The following MSI2 variants were observed in gnomAD, a reference collection of about 807,000 sequenced individuals.
The protein encoded by MSI2 is musashi RNA binding protein 2.
Under a neutral mutation model 45.6 loss-of-function variants are expected in MSI2, and 17 were observed. The ratio of observed to expected loss-of-function variants is 0.37; its 90% CI spans 0.26 to 0.56. The LOEUF (loss-of-function observed/expected upper bound fraction) is 0.56, where lower values mean the gene tolerates loss of function less well. Among genes scored for constraint, MSI2 ranks in the 20% least tolerant of loss-of-function variants. The probability of loss-of-function intolerance (pLI) is 0.77; values close to 1 mark genes in which losing one functional copy is unlikely to be tolerated. For synonymous variants in MSI2, 156 were observed against 158.2 expected (o/e 0.99, Z 0.11); for missense variants, 293 against 444.2 (o/e 0.66, Z 3.06).
chr17:57,669,892 C>A (rs1444067866), intron 11 of MSI2, among the ~76,000 whole-genome samples: 1 of 152,166 alleles, frequency 6.6e-6, no homozygotes, highest in Non-Finnish European at 1.5e-5. Flanking sequence ...GGGGCCACTG[C>A]GGTCTTCTGC....
intron 7 of MSI2, among the ~76,000 whole-genome samples, chr17:57,550,631 A>T (rs1314156046): frequency 6.6e-6 from 1 of 152,144 alleles, no homozygotes; most frequent in Non-Finnish European, 1.5e-5. Context: ...AAAAATCCAA[A>T]CGAGCTCTCC....
intron 11 of MSI2, among the ~76,000 whole-genome samples, chr17:57,659,284 C>T (rs535227447): frequency 5.9e-5 from 9 of 151,736 alleles, no homozygotes; most frequent in Non-Finnish European, 8.8e-5. Flanking sequence ...TTGGTAGAGA[C>T]AGGGTCTCAC....
At chr17:57,560,722 A>G (rs2087553332) in intron 7 of MSI2, among the ~76,000 whole-genome samples, 1 of 152,232 alleles carries the variant, frequency 6.6e-6, no homozygotes, top group African/African-American at 2.4e-5. Flanking sequence ...GCTATTATTA[A>G]CAATTACTGC....
At chr17:57,387,319 G>C (rs2083704012) in intron 5 of MSI2, among the ~76,000 whole-genome samples, 1 of 152,182 alleles carries the variant, frequency 6.6e-6, no homozygotes, top group Non-Finnish European at 1.5e-5. Flanking sequence ...TGCTGCGACT[G>C]TTGTTTCCTT....
At chr17:57,674,021 G>A (rs531994974) in intron 11 of MSI2, among the ~76,000 whole-genome samples, 1 of 151,374 alleles carries the variant, frequency 6.6e-6, no homozygotes, top group South Asian at 2.1e-4. Context: ...TGAGTGTGTG[G>A]GTGTCCTGTA....
intron 5 of MSI2, among the ~76,000 whole-genome samples, chr17:57,318,479 G>A (rs1031859503): frequency 6.6e-6 from 1 of 152,024 alleles, no homozygotes; most frequent in Non-Finnish European, 1.5e-5. Context: ...CATTTTCTTC[G>A]CCTGTTTAGA....
the MSI2 span, among the ~76,000 whole-genome samples, chr17:57,696,159 C>G: frequency 2.0e-5 from 3 of 152,108 alleles, no homozygotes; most frequent in Admixed American, 6.5e-5. Context: ...AGGTGAAGAC[C>G]CACTGCTGAG....
At chr17:57,639,009 T>C (rs1910046975) in intron 10 of MSI2, among the ~76,000 whole-genome samples, 1 of 152,190 alleles carries the variant, frequency 6.6e-6, no homozygotes, top group African/African-American at 2.4e-5. Context: ...TCCTGGTTCG[T>C]AGACTGCCAT....
intron 6 of MSI2, among the ~76,000 whole-genome samples, chr17:57,470,425 G>A (rs1275819941): frequency 6.6e-6 from 1 of 152,098 alleles, no homozygotes; most frequent in Non-Finnish European, 1.5e-5. Context: ...CTACAGGCAT[G>A]CACCACCATG....
chr17:57,450,596 G>T, intron 6 of MSI2, among the ~76,000 whole-genome samples: 1 of 148,206 alleles, frequency 6.7e-6, no homozygotes, highest in East Asian at 2.0e-4. Flanking sequence ...GCTTGAACTC[G>T]GGAGGTAGAG....
At chr17:57,565,631 T>A (rs2087712214) in intron 7 of MSI2, among the ~76,000 whole-genome samples, 1 of 151,696 alleles carries the variant, frequency 6.6e-6, no homozygotes, top group African/African-American at 2.4e-5. Context: ...GGGCACTCTC[T>A]GAAGACAAAG....
chr17:57,653,880 T>C lies in MSI2; in HGVS notation c.790+1719T>C, dbSNP rs561360407. 2.7e-5 allele frequency among the ~76,000 whole-genome samples: 4 copies of C among 150,454 alleles called. No individual in the cohort carries two copies. The South Asian group carries it at 8.4e-4, about 32-fold the overall frequency. On this transcript the variant is annotated intron_variant, in intron 11 of 13. Transcript: ENST00000284073. ...CCTCTCATGGACTCCCAGAGCCAGG[T>C]GGGAGTCCCACCCATCCCTCTAACT... is the stretch of plus-strand genomic sequence containing the variant.
chr17:57,636,253 G>A (rs1294718938), intron 10 of MSI2, among the ~76,000 whole-genome samples: 1 of 152,166 alleles, frequency 6.6e-6, no homozygotes, highest in African/African-American at 2.4e-5. Context: ...CAAGGTGACC[G>A]AGAGAGAAGC....
chr17:57,439,954 G>A (rs868361722), intron 6 of MSI2, among the ~76,000 whole-genome samples: 2 of 152,138 alleles, frequency 1.3e-5, no homozygotes, highest in Admixed American at 6.5e-5. Context: ...GGATAAGAGG[G>A]GGGGTCTGTT....
chr17:57,312,806 A>G (rs998805658), intron 5 of MSI2, among the ~76,000 whole-genome samples: 9 of 152,136 alleles, frequency 5.9e-5, no homozygotes, highest in African/African-American at 2.2e-4. Context: ...GGGCACCATT[A>G]TAGTTCCAAG....
intron 5 of MSI2, among the ~76,000 whole-genome samples, chr17:57,385,240 T>A (rs2083665149): frequency 6.6e-6 from 1 of 152,230 alleles, no homozygotes; most frequent in Non-Finnish European, 1.5e-5. Context: ...GTCTACAGGA[T>A]GAAGTCCAGT....
intron 6 of MSI2, among the ~76,000 whole-genome samples, chr17:57,502,564 T>G (rs2086130250): frequency 7.3e-6 from 1 of 136,568 alleles, no homozygotes; most frequent in African/African-American, 2.7e-5. Context: ...TGTTGTTGTT[T>G]GAGGGATATG....
intron 6 of MSI2, among the ~76,000 whole-genome samples, chr17:57,415,526 G>A (rs574473211): frequency 3.9e-5 from 6 of 152,230 alleles, no homozygotes; most frequent in Admixed American, 1.3e-4. Flanking sequence ...TTTCTCATCC[G>A]TTAAGTGGGC....
intron 6 of MSI2, among the ~76,000 whole-genome samples, chr17:57,410,359 C>T (rs2084172566): frequency 6.6e-6 from 1 of 152,130 alleles, no homozygotes; most frequent in African/African-American, 2.4e-5. Context: ...TTTAATCCAG[C>T]TGCTGGGTAA....
Sources: allele counts gnomAD v4.1 joint callset (sites outside exome capture counted in the v4.1 genomes callset), GRCh38; gene constraint gnomAD v4.1.1; transcripts MANE v1.5; gene names NCBI Gene and HGNC (gene_info 2026-07-23, HGNC 2026-07-21).